NPHP1: variants seen among roughly 807,000 people sequenced by gnomAD.
NPHP1 encodes nephrocystin 1, also known as nephrocystin-1.
A neutral mutation model predicts 90.4 loss-of-function variants in NPHP1; 70 were observed. That is an observed-to-expected ratio of 0.77 (90% CI 0.64 to 0.95). The LOEUF (loss-of-function observed/expected upper bound fraction) is 0.95. Among genes scored for constraint, NPHP1 ranks in the 40% least tolerant of loss-of-function variants. NPHP1 has a pLI of 0.00. For synonymous variants in NPHP1, 256 were observed against 271.7 expected (o/e 0.94, Z 0.57); for missense variants, 764 against 795.9 (o/e 0.96, Z 0.48).
At chr2:110,173,839 G>T (rs901437540) in intron 4 of NPHP1, among the ~76,000 whole-genome samples, 6 of 152,034 alleles carry the variant, frequency 3.9e-5, no homozygotes, top group Non-Finnish European at 8.8e-5. Context: ...GTTAAGGATT[G>T]TGAATTATCT....
At chr2:110,140,431 C>A (rs1680538048) in intron 16 of NPHP1, among the ~76,000 whole-genome samples, 1 of 152,072 alleles carries the variant, frequency 6.6e-6, no homozygotes, top group Admixed American at 6.5e-5. Flanking sequence ...CTTTAAGAAC[C>A]CAGCATACAG....
rs187699241 is a variant in NPHP1 at position 110,132,627 on chromosome 2, C to T, written c.1530-836G>A. Among the ~76,000 whole-genome samples, 9 of 152,282 alleles carry T rather than the reference C, an allele frequency of 5.9e-5. No homozygotes were observed. The East Asian group carries it at 1.7e-3, about 29-fold the overall frequency. The stretch of plus-strand genomic sequence containing the variant: ...CAAGATTGTGCCACTGCACTCCAAC[C>T]TGGGTGACACAGCAAGACTCTGTCT... On this transcript the variant is annotated intron_variant, in intron 16 of 19. Coordinates refer to ENST00000445609, the MANE Select transcript of NPHP1 (RefSeq NM_001128178.3).
intron 16 of NPHP1, among the ~76,000 whole-genome samples, chr2:110,134,710 C>CAGA (rs1680036976): frequency 6.6e-6 from 1 of 151,982 alleles, no homozygotes; most frequent in South Asian, 2.1e-4. Context: ...TAATGTGCTA[C>CAGA]ATTAACAGAA....
At chr2:110,132,688 G>T (rs1357118513) in intron 16 of NPHP1, among the ~76,000 whole-genome samples, 2 of 152,064 alleles carry the variant, frequency 1.3e-5, no homozygotes, top group Admixed American at 6.6e-5. Context: ...AAATAAGTAT[G>T]GAGTGCTTAA....
chr2:110,204,318 T>G (rs1349623804), intron 1 of NPHP1, among the ~76,000 whole-genome samples: 1 of 152,198 alleles, frequency 6.6e-6, no homozygotes, highest in Non-Finnish European at 1.5e-5. Flanking sequence ...ATTACTTGAG[T>G]ATCTTTGAAG....
intron 19 of NPHP1, chr2:110,125,087 G>T: frequency 9.6e-7 from 1 of 1,045,414 alleles, no homozygotes; most frequent in Non-Finnish European, 1.3e-6. Context: ...GAGCTGAGTA[G>T]TGTGACAGAG....
chr2:110,155,063 G>C (rs2104523520), intron 11 of NPHP1, among the ~76,000 whole-genome samples: 1 of 152,186 alleles, frequency 6.6e-6, no homozygotes, highest in South Asian at 2.1e-4. Flanking sequence ...GGGTCCCCAT[G>C]CTGTGTGTAG....
chr2:110,173,571 A>C (rs1408961552), intron 4 of NPHP1, among the ~76,000 whole-genome samples: 2 of 152,218 alleles, frequency 1.3e-5, no homozygotes, highest in African/African-American at 2.4e-5. Flanking sequence ...GGATATGTTT[A>C]GATACACAAA....
rs193300311 is a variant in NPHP1 at position 110,178,262 on chromosome 2, A to G, written c.329+161T>C. 996 of 715,002 alleles carry G rather than the reference A, an allele frequency of 1.4e-3. 7 individuals carry two copies. Among genetic ancestry groups the G allele is most frequent in the East Asian group, 0.011 (419 of 37,502 alleles). 44.3% of individuals were successfully genotyped at this position (715,002 alleles called of 1,614,324 possible). A position where few individuals can be genotyped will look rare whatever the true frequency, so the allele number is the denominator to read the frequency against. The stretch of plus-strand genomic sequence containing the variant: ...TACACTTCTTTCCATCTCTCATGGG[A>G]TCTAACACCTTCTATTATACACAAT... On this transcript the variant is annotated intron_variant, in intron 4 of 19. Coordinates refer to ENST00000445609, the MANE Select transcript of NPHP1 (RefSeq NM_001128178.3).
chr2:110,143,318 G>A lies in NPHP1; in HGVS notation c.1529+224C>T, dbSNP rs2864665. On this transcript the variant is annotated intron_variant, in intron 16 of 19. Coordinates refer to ENST00000445609, the MANE Select transcript of NPHP1 (RefSeq NM_001128178.3). Reference sequence around the variant, plus strand: ...TAGTCAAGTCTTCTATTTACTAGATGGCTCAAATAACAGATTTGGTTAGAA... The same window carrying A: ...TAGTCAAGTCTTCTATTTACTAGATAGCTCAAATAACAGATTTGGTTAGAA... Among the ~76,000 whole-genome samples, 47,729 of 151,898 alleles carry A rather than the reference G, an allele frequency of 0.31. 8,117 individuals carry two copies. The highest frequency in any genetic ancestry group is 0.58 in the East Asian group (2,977 of 5,166).
intron 16 of NPHP1, among the ~76,000 whole-genome samples, chr2:110,141,979 A>G (rs1559055068): frequency 6.8e-6 from 1 of 146,870 alleles, no homozygotes; most frequent in Non-Finnish European, 1.5e-5. Context: ...TCTCAAAAAA[A>G]AAAAAAAAAA....
At chr2:110,201,769 T>C (rs1195852684) in intron 1 of NPHP1, among the ~76,000 whole-genome samples, 1 of 152,170 alleles carries the variant, frequency 6.6e-6, no homozygotes, top group African/African-American at 2.4e-5. Flanking sequence ...TGGATGTCAC[T>C]AACTAAAGTT....
rs1574127485 is a variant in NPHP1 at position 110,164,278 on chromosome 2, C to T, written c.771+410G>A. On this transcript the variant is annotated intron_variant, in intron 8 of 19. Coordinates refer to ENST00000445609, the MANE Select transcript of NPHP1 (RefSeq NM_001128178.3). Reference sequence around the variant, plus strand: ...TCTTGAATTCCTGGCCTCAAGTGATCCTCCTGCTTCAGCTTCCCAAAATGT... The same window carrying T: ...TCTTGAATTCCTGGCCTCAAGTGATTCTCCTGCTTCAGCTTCCCAAAATGT... The T allele has an allele frequency of 1.1e-5, 6 of 523,382 alleles. No individual in the cohort carries two copies. The East Asian group carries it at 2.1e-4, about 18-fold the overall frequency. The allele number at this position is 523,382 out of a possible 1,614,324, so 32.4% of individuals were successfully genotyped here.
intron 16 of NPHP1, among the ~76,000 whole-genome samples, chr2:110,142,263 T>G (rs1213774566): frequency 6.6e-6 from 1 of 152,102 alleles, no homozygotes; most frequent in Non-Finnish European, 1.5e-5. Context: ...TGGTGGGTTA[T>G]AGCCCCAGAA....
intron 18 of NPHP1, chr2:110,128,328 C>T (rs756567611): frequency 2.0e-5 from 3 of 152,266 alleles, no homozygotes; most frequent in African/African-American, 4.8e-5. Flanking sequence ...CTGGGTTACC[C>T]ACCACCTACC....
At chr2:110,180,777 C>T (rs937573285) in intron 2 of NPHP1, among the ~76,000 whole-genome samples, 5 of 152,224 alleles carry the variant, frequency 3.3e-5, no homozygotes, top group African/African-American at 1.2e-4. Context: ...GACCATGCAA[C>T]CCTGCCCAGA....
intron 4 of NPHP1, among the ~76,000 whole-genome samples, chr2:110,176,351 T>A: frequency 6.6e-6 from 1 of 152,130 alleles, no homozygotes; most frequent in African/African-American, 2.4e-5. Context: ...CCCATTTCAT[T>A]CATCTTTTCT....
chr2:110,144,131 G>A, intron 15 of NPHP1: 1 of 327,212 alleles, frequency 3.1e-6, no homozygotes, highest in African/African-American at 2.1e-5. Context: ...AGTAAAAGAT[G>A]CTCAATATTT....
intron 11 of NPHP1, among the ~76,000 whole-genome samples, chr2:110,151,027 G>A (rs1008415850): frequency 6.6e-6 from 1 of 151,682 alleles, no homozygotes; most frequent in Non-Finnish European, 1.5e-5. Flanking sequence ...TCAGCTGGGT[G>A]TGGTGGTGTG....
Sources: allele counts gnomAD v4.1 joint callset (sites outside exome capture counted in the v4.1 genomes callset), GRCh38; gene constraint gnomAD v4.1.1; transcripts MANE v1.5; gene names NCBI Gene and HGNC (gene_info 2026-07-23, HGNC 2026-07-21).